CD47: variants seen among roughly 807,000 people sequenced by gnomAD.
CD47 encodes CD47 molecule.
A neutral mutation model predicts 44.6 loss-of-function variants in CD47; 11 were observed. The ratio of observed to expected loss-of-function variants is 0.25; its 90% confidence interval spans 0.16 to 0.41. CD47 has a LOEUF of 0.41. Among genes scored for constraint, CD47 ranks in the 10% least tolerant of loss-of-function variants. CD47 has a pLI of 1.00. For missense variants in CD47, 306 were observed against 386.7 expected (o/e 0.79, Z 1.75); for synonymous variants, 140 against 136.3 (o/e 1.03, Z -0.19).
chr3:108,059,629 A>T, intron 4 of CD47, 85 bp from the exon 5 acceptor site: 1 of 589,324 alleles, frequency 1.7e-6, no homozygotes, highest in Non-Finnish European at 2.8e-6. Flanking sequence ...ACAACTGTGA[A>T]AATTTTAAAA....
At chr3:108,068,162 A>T (rs1435137585) in intron 3 of CD47, among the ~76,000 whole-genome samples, 2 of 152,218 alleles carry the variant, frequency 1.3e-5, no homozygotes, top group African/African-American at 4.8e-5. Flanking sequence ...GATTCTAAAA[A>T]ATATACATCT....
At position 108,059,068 on chromosome 3, in the gene CD47, A is replaced by G. The variant is rs543415470; in HGVS notation, c.691+384T>C. Among the ~76,000 whole-genome samples, 6 of 152,302 alleles carry G rather than the reference A, an allele frequency of 3.9e-5. No individual in the cohort carries two copies. The South Asian group carries it at 1.2e-3, about 32-fold the overall frequency. On this transcript the variant is annotated intron_variant, in intron 5 of 10. Transcript: ENST00000361309. Reference sequence around the variant, plus strand: ...ATGTTTCTACTATTTGTGATTCATAATTCCATTTTATAGAACCAGTCTTCT... The same window carrying G: ...ATGTTTCTACTATTTGTGATTCATAGTTCCATTTTATAGAACCAGTCTTCT...
intron 3 of CD47, among the ~76,000 whole-genome samples, chr3:108,064,554 G>T (rs547623252): frequency 6.6e-6 from 1 of 152,058 alleles, no homozygotes; most frequent in Non-Finnish European, 1.5e-5. Flanking sequence ...TCAACTTGGG[G>T]ATAAAATCAA....
chr3:108,070,601 T>C (rs907650172), intron 3 of CD47, among the ~76,000 whole-genome samples: 1 of 152,190 alleles, frequency 6.6e-6, no homozygotes, highest in Non-Finnish European at 1.5e-5. Flanking sequence ...GCTGCAGAAC[T>C]GCACGCAGAG....
At chr3:108,077,763 A>T in intron 2 of CD47, among the ~76,000 whole-genome samples, 1 of 152,272 alleles carries the variant, frequency 6.6e-6, no homozygotes, top group East Asian at 1.9e-4. Context: ...AAACTTGGAT[A>T]GATCTCAAGG....
intron 1 of CD47, among the ~76,000 whole-genome samples, chr3:108,086,272 C>T (rs1254702651): frequency 6.6e-6 from 1 of 151,358 alleles, no homozygotes; most frequent in East Asian, 1.9e-4. Flanking sequence ...AAAACATTGA[C>T]AGCAGTGTAA....
intron 9 of CD47, 98 bp from the exon 10 acceptor site, chr3:108,049,749 A>C (rs766951840): frequency 5.1e-5 from 41 of 798,838 alleles, no homozygotes; most frequent in Non-Finnish European, 8.8e-5. Flanking sequence ...TAACTAGTCT[A>C]CAACTCTACA....
intron 1 of CD47, among the ~76,000 whole-genome samples, chr3:108,090,440 C>T (rs1219305342): frequency 2.0e-5 from 3 of 152,232 alleles, no homozygotes; most frequent in Non-Finnish European, 2.9e-5. Context: ...CACTCTCCCT[C>T]CCTCAACCCC....
chr3:108,082,347 C>T (rs976062474), intron 1 of CD47, among the ~76,000 whole-genome samples: 5 of 151,904 alleles, frequency 3.3e-5, no homozygotes, highest in Non-Finnish European at 5.9e-5. Flanking sequence ...TCTTGTTCTG[C>T]AATTGATTTC....
intron 1 of CD47, among the ~76,000 whole-genome samples, chr3:108,085,332 C>T (rs2079499215): frequency 6.6e-6 from 1 of 152,104 alleles, no homozygotes; most frequent in Non-Finnish European, 1.5e-5. Context: ...TACTTCTTAG[C>T]TGTATAACCT....
chr3:108,050,773 G>A, intron 8 of CD47, 171 bp from the exon 9 acceptor site: 1 of 484,844 alleles, frequency 2.1e-6, no homozygotes, highest in Non-Finnish European at 3.8e-6. Flanking sequence ...TTAAAGCAAA[G>A]CTTGCCAAGT....
chr3:108,051,977 TAAATAAC>T lies in CD47; in HGVS notation c.878-14_878-8del. 1 of 1,247,958 alleles carries T rather than the reference TAAATAAC, an allele frequency of 8.0e-7. No homozygotes were observed. The allele number at this position is 1,247,958 out of a possible 1,614,324, so 77.3% of individuals were successfully genotyped here. A position where few individuals can be genotyped will look rare whatever the true frequency, so the allele number is the denominator to read the frequency against. ...ATAGTCTTCTGATTGGAAGCTGATATAAATAACAAATAAGAATATAAATTTAATAAAT... is the reference window on the plus strand; with the variant it reads ...ATAGTCTTCTGATTGGAAGCTGATATAAATAAGAATATAAATTTAATAAAT... On this transcript the variant is annotated splice_region_variant and splice_polypyrimidine_tract_variant and intron_variant, in intron 7 of 10. Coordinates refer to ENST00000361309, the MANE Select transcript of CD47 (RefSeq NM_001777.4).
At position 108,044,267 on chromosome 3, in the gene CD47, T is replaced by C. The variant is rs747852020; in HGVS notation, c.*3021A>G. On this transcript the variant is annotated 3_prime_UTR_variant, in exon 11 of 11. Transcript: ENST00000361309. ...TGGTGGTCACTTACTAAATTGACTATAGCATCCTGAAAAAAGAAATATTTC... is the reference window on the plus strand; with the variant it reads ...TGGTGGTCACTTACTAAATTGACTACAGCATCCTGAAAAAAGAAATATTTC... 2.0e-5 allele frequency: 3 copies of C among 152,640 alleles called. No homozygotes were observed. The highest frequency in any genetic ancestry group is 2.1e-4 in the South Asian group (1 of 4,822). 9.5% of individuals were successfully genotyped at this position (152,640 alleles called of 1,614,324 possible). A position where few individuals can be genotyped will look rare whatever the true frequency, so the allele number is the denominator to read the frequency against.
At chr3:108,074,836 G>A (rs2079278409) in intron 2 of CD47, among the ~76,000 whole-genome samples, 1 of 151,764 alleles carries the variant, frequency 6.6e-6, no homozygotes, top group African/African-American at 2.4e-5. Context: ...TCTCTAATTT[G>A]TTACAGTGGG....
chr3:108,074,467 C>T (rs1002371638), intron 2 of CD47, among the ~76,000 whole-genome samples: 5 of 152,036 alleles, frequency 3.3e-5, no homozygotes, highest in Non-Finnish European at 5.9e-5. Context: ...GCAGGCGCCA[C>T]CATGCCCAGC....
intron 10 of CD47, among the ~76,000 whole-genome samples, chr3:108,048,041 A>G (rs1457602357): frequency 6.6e-6 from 1 of 152,182 alleles, no homozygotes; most frequent in Non-Finnish European, 1.5e-5. Context: ...CCACCAAGGA[A>G]AAGGAAAGGA....
Position 108,050,559 on chromosome 3 carries a change from G to A in CD47, c.934+19C>T. On this transcript the variant is annotated intron_variant, in intron 9 of 10. Transcript: ENST00000361309. ...AAATTATGATCTGGTAAAGGATTAAGAGTGAAATAACCACATACCATTAAG... is the reference window on the plus strand; with the variant it reads ...AAATTATGATCTGGTAAAGGATTAAAAGTGAAATAACCACATACCATTAAG... 1 of 1,171,268 alleles carries A rather than the reference G, an allele frequency of 8.5e-7. No homozygotes were observed. Among genetic ancestry groups the A allele is most frequent in the Non-Finnish European group, 1.2e-6 (1 of 804,222 alleles). The allele number at this position is 1,171,268 out of a possible 1,614,324, so 72.6% of individuals were successfully genotyped here.
At chr3:108,084,954 T>A (rs972047502) in intron 1 of CD47, among the ~76,000 whole-genome samples, 1 of 152,064 alleles carries the variant, frequency 6.6e-6, no homozygotes, top group Non-Finnish European at 1.5e-5. Flanking sequence ...TTTCTACAGT[T>A]CCCAAAATAA....
chr3:108,067,824 C>A (rs1315494390), intron 3 of CD47, among the ~76,000 whole-genome samples: 1 of 152,180 alleles, frequency 6.6e-6, no homozygotes, highest in Admixed American at 6.5e-5. Context: ...TAAGAGTCTT[C>A]TCAGGCTTCT....
Sources: allele counts gnomAD v4.1 joint callset (sites outside exome capture counted in the v4.1 genomes callset), GRCh38; gene constraint gnomAD v4.1.1; transcripts MANE v1.5; gene names NCBI Gene and HGNC (gene_info 2026-07-23, HGNC 2026-07-21).